Variants in PLCG2 observed in about 807,000 individuals in gnomAD.
The protein encoded by PLCG2 is 1-phosphatidylinositol 4,5-bisphosphate phosphodiesterase gamma-2.
PLCG2 carries 69 observed loss-of-function variants against 175.6 expected under a neutral mutation model. The observed-to-expected ratio is 0.39, with a 90% CI of 0.32 to 0.48. The LOEUF (loss-of-function observed/expected upper bound fraction) is 0.48. Among genes scored for constraint, PLCG2 ranks in the 20% least tolerant of loss-of-function variants. The pLI is 0.91. For synonymous variants in PLCG2, 827 were observed against 624.0 expected, an observed-to-expected ratio of 1.33 and a Z score of -4.85; for missense variants, 1,798 against 1,650.9, an observed-to-expected ratio of 1.09 and a Z score of -1.54.
chr16:81,778,601 T>TG (rs78596582), upstream of PLCG2, among the ~76,000 whole-genome samples: 12 of 152,290 alleles, frequency 7.9e-5, no homozygotes, highest in East Asian at 2.3e-3. Context: ...ATCAATTGTC[T>TG]GGGGTTCTTT....
rs527753836 is a variant in PLCG2 at position 81,809,776 on chromosome 16, G to C, written c.193+23594G>C. 5.1e-4 allele frequency among the ~76,000 whole-genome samples: 70 copies of C among 137,736 alleles called. 1 individual carries two copies. Among genetic ancestry groups the C allele is most frequent in the South Asian group, 2.9e-3 (13 of 4,422 alleles). 90.4% of individuals were successfully genotyped at this position (137,736 alleles called of 152,430 possible). A position where few individuals can be genotyped will look rare whatever the true frequency, so the allele number is the denominator to read the frequency against. Reference sequence around the variant, plus strand: ...CTTCTGTCCTGATTCTAGAGGGAGTGTCTGATGTCCCAGTTATTGCTGCCC... The same window carrying C: ...CTTCTGTCCTGATTCTAGAGGGAGTCTCTGATGTCCCAGTTATTGCTGCCC... On this transcript the variant is annotated intron_variant, in intron 2 of 32. Transcript: ENST00000564138.
chr16:81,884,038 C>A (rs527259364), intron 9 of PLCG2, among the ~76,000 whole-genome samples: 9 of 152,256 alleles, frequency 5.9e-5, no homozygotes, highest in Middle Eastern at 3.4e-3. Flanking sequence ...ACAGGGCAGC[C>A]CCCCCTACCC....
At chr16:81,884,604 T>TGC (rs1908263116) in intron 9 of PLCG2, among the ~76,000 whole-genome samples, 3 of 108,948 alleles carry the variant, frequency 2.8e-5, no homozygotes, top group Non-Finnish European at 5.3e-5. Context: ...TATGGATCTG[T>TGC]GTGTGTGTGT....
At chr16:81,924,125 C>T (rs898652222) in intron 22 of PLCG2, among the ~76,000 whole-genome samples, 16 of 152,216 alleles carry the variant, frequency 1.1e-4, no homozygotes, top group Non-Finnish European at 1.9e-4. Context: ...ATACGTTTTT[C>T]GTGCAAAGGT....
chr16:81,959,585 C>T lies in PLCG2; in HGVS notation c.*1587C>T, dbSNP rs1911706022. 2 of 198,650 alleles carry T rather than the reference C, an allele frequency of 1.0e-5. No individual in the cohort carries two copies. Among genetic ancestry groups the T allele is most frequent in the East Asian group, 1.6e-4 (2 of 12,772 alleles). 12.3% of individuals were successfully genotyped at this position (198,650 alleles called of 1,614,324 possible). A position where few individuals can be genotyped will look rare whatever the true frequency, so the allele number is the denominator to read the frequency against. ...GCCAAGGAAGGGCTGTTATCTGGTGCTATCACTCCAGTTACTCCTCCAACT... is the reference window on the plus strand; with the variant it reads ...GCCAAGGAAGGGCTGTTATCTGGTGTTATCACTCCAGTTACTCCTCCAACT... On this transcript the variant is annotated 3_prime_UTR_variant, in exon 33 of 33. Coordinates refer to ENST00000564138, the MANE Select transcript of PLCG2 (RefSeq NM_002661.5).
intron 13 of PLCG2, chr16:81,897,844 C>G (rs1480607093): frequency 4.4e-6 from 2 of 455,702 alleles, no homozygotes; most frequent in Non-Finnish European, 8.8e-6. Flanking sequence ...CGTGCCCAAC[C>G]CGATTGGTTA....
chr16:81,787,054 G>A (rs962018050), intron 2 of PLCG2, among the ~76,000 whole-genome samples: 1 of 152,136 alleles, frequency 6.6e-6, no homozygotes, highest in African/African-American at 2.4e-5. Flanking sequence ...AATGATGTTG[G>A]CGGTGGTTTC....
At chr16:81,780,110 C>G (rs1457085775) in intron 1 of PLCG2, among the ~76,000 whole-genome samples, 2 of 152,010 alleles carry the variant, frequency 1.3e-5, no homozygotes, top group East Asian at 1.9e-4. Flanking sequence ...GCGGGGCTCT[C>G]TTGGTACCCT....
chr16:81,960,873 AG>A lies in PLCG2; in HGVS notation c.*2876del. ...CAGTACTCTCAGGGGAGCAGTGTTCAGAGCCTCATCTTCCTGTTATATTCTT... is the reference window on the plus strand; with the variant it reads ...CAGTACTCTCAGGGGAGCAGTGTTCAAGCCTCATCTTCCTGTTATATTCTT... On this transcript the variant is annotated 3_prime_UTR_variant, in exon 33 of 33. Transcript: ENST00000564138. 4.4e-6 allele frequency: 1 copy of A among 229,856 alleles called. No individual in the cohort carries two copies. 14.2% of individuals were successfully genotyped at this position (229,856 alleles called of 1,614,324 possible).
intron 26 of PLCG2, chr16:81,935,728 G>A (rs1467369459): frequency 2.0e-6 from 2 of 985,114 alleles, no homozygotes; most frequent in East Asian, 1.1e-4. Context: ...CCCTGCACAG[G>A]CACCCACATT....
chr16:81,803,482 T>C (rs967595870), intron 2 of PLCG2, among the ~76,000 whole-genome samples: 4 of 151,972 alleles, frequency 2.6e-5, no homozygotes, highest in African/African-American at 9.7e-5. Context: ...TTTAGGTAGT[T>C]CTCTCTTTTT....
intron 2 of PLCG2, among the ~76,000 whole-genome samples, chr16:81,814,217 C>T (rs1020457184): frequency 2.0e-5 from 3 of 152,146 alleles, no homozygotes; most frequent in African/African-American, 7.2e-5. Flanking sequence ...GATAGGCTGT[C>T]TTTTTGCTTG....
intron 1 of PLCG2, among the ~76,000 whole-genome samples, chr16:81,745,148 A>G (rs548258397): frequency 1.4e-4 from 22 of 152,320 alleles, no homozygotes; most frequent in African/African-American, 5.1e-4. Context: ...GCAGGGCTGA[A>G]CTAGAAAAGG....
Position 81,912,484 on chromosome 16 carries a change from T to A in PLCG2, c.1935-113T>A, listed in dbSNP as rs141403225. On this transcript the variant is annotated intron_variant, in intron 18 of 32. Transcript: ENST00000564138. ...CCCACTGTGTGATTTCCATGGTCGT[T>A]TCCAGGGCCAGGTTCCAGGTGTCAC... 66 of 1,317,028 alleles carry A rather than the reference T, an allele frequency of 5.0e-5. No individual in the cohort carries two copies. The African/African-American group carries it at 8.9e-4, about 18-fold the overall frequency. 81.6% of individuals were successfully genotyped at this position (1,317,028 alleles called of 1,614,324 possible). A position where few individuals can be genotyped will look rare whatever the true frequency, so the allele number is the denominator to read the frequency against.
At chr16:81,770,779 C>T (rs558576294) in intron 2 of PLCG2, among the ~76,000 whole-genome samples, 17 of 152,082 alleles carry the variant, frequency 1.1e-4, no homozygotes, top group Middle Eastern at 3.2e-3. Context: ...CCAGATCAGG[C>T]CGGGCGCGGT....
At chr16:81,882,730 G>T in intron 8 of PLCG2, among the ~76,000 whole-genome samples, 1 of 151,112 alleles carries the variant, frequency 6.6e-6, no homozygotes, top group South Asian at 2.1e-4. Context: ...CCTCCTTCTT[G>T]CTCACCCCAC....
In PLCG2 at chr16:81,861,552, T is replaced by G. The variant is rs143426277; in HGVS notation, c.479+2389T>G. On this transcript the variant is annotated intron_variant, in intron 5 of 32. Coordinates refer to ENST00000564138, the MANE Select transcript of PLCG2 (RefSeq NM_002661.5). The stretch of plus-strand genomic sequence containing the variant: ...CCTCTTCTTCTCATCCAAAATGCCC[T>G]GCCTGCTCCGCCACGCTGGGCCACC... 1.3e-3 allele frequency among the ~76,000 whole-genome samples: 200 copies of G among 152,378 alleles called. 1 individual carries two copies. Among genetic ancestry groups the G allele is most frequent in the African/African-American group, 4.5e-3 (187 of 41,594 alleles).
At chr16:81,877,326 G>A (rs1597368622) in intron 7 of PLCG2, among the ~76,000 whole-genome samples, 1 of 152,114 alleles carries the variant, frequency 6.6e-6, no homozygotes, top group Non-Finnish European at 1.5e-5. Flanking sequence ...CATAGTGGCG[G>A]GTGCCTGTAG....
In PLCG2 at chr16:81,900,666, C is replaced by T. The variant is rs1040419314; in HGVS notation, c.1248C>T (p.His416=). 7.4e-6 allele frequency: 12 copies of T among 1,612,396 alleles called. No individual in the cohort carries two copies. Among genetic ancestry groups the T allele is most frequent in the East Asian group, 6.7e-5 (3 of 44,836 alleles). The change falls in exon 14 of 33, where the codon CAC becomes CAT. Residue 416 remains histidine, a synonymous_variant. Transcript: ENST00000564138. ...EEHCSVEQQR[H]MAKAFKEVFG... ...ACTGCAGCGTGGAGCAACAGCGTCA[C>T]ATGGCCAAGGCCTTCAAGGAAGTAT... is the stretch of plus-strand genomic sequence containing the variant.
Sources: allele counts gnomAD v4.1 joint callset (sites outside exome capture counted in the v4.1 genomes callset), GRCh38; gene constraint gnomAD v4.1.1; transcripts MANE v1.5; gene names NCBI Gene and HGNC (gene_info 2026-07-23, HGNC 2026-07-21).